TOX4: variants seen among roughly 807,000 people sequenced by gnomAD.
The protein encoded by TOX4 is TOX high mobility group box family member 4.
Under a neutral mutation model 61.0 loss-of-function variants are expected in TOX4, and 12 were observed. The ratio of observed to expected loss-of-function variants is 0.20; its 90% CI spans 0.13 to 0.32. The LOEUF is 0.32. Among genes scored for constraint, TOX4 ranks in the 10% least tolerant of loss-of-function variants. TOX4 has a pLI of 1.00. For missense variants in TOX4, 499 were observed against 753.3 expected, an observed-to-expected ratio of 0.66 and a Z score of 3.95; for synonymous variants, 268 against 274.8, an observed-to-expected ratio of 0.98 and a Z score of 0.24.
rs1289947868 is a variant in TOX4, at chr14:21,497,567, A to G, written c.*961A>G. On this transcript the variant is annotated 3_prime_UTR_variant, in exon 9 of 9. Transcript: ENST00000448790. ...TTTTGAGACAGAGTCTCGCTCTGTCACCCAGGCTGGAGTGCAGTGGTGCGA... is the reference window on the plus strand; with the variant it reads ...TTTTGAGACAGAGTCTCGCTCTGTCGCCCAGGCTGGAGTGCAGTGGTGCGA... 4 of 135,148 alleles carry G rather than the reference A, an allele frequency of 3.0e-5. No homozygotes were observed. The highest frequency in any genetic ancestry group is 6.1e-5 in the Non-Finnish European group (4 of 65,690). The allele number at this position is 135,148 out of a possible 1,614,324, so 8.4% of individuals were successfully genotyped here.
chr14:21,498,310 C>T lies in TOX4; in HGVS notation c.*1704C>T, dbSNP rs549627481. On this transcript the variant is annotated 3_prime_UTR_variant, in exon 9 of 9. Coordinates refer to ENST00000448790, the MANE Select transcript of TOX4 (RefSeq NM_014828.4). ...ACCATCTGGGTACCTTTGCTTGAAC[C>T]GTGCAACCACATCTGGGTCTAGTAG... 43 of 1,614,020 alleles carry T rather than the reference C, an allele frequency of 2.7e-5. No individual in the cohort carries two copies. In the African/African-American group the frequency reaches 2.9e-4, roughly 11 times the overall value.
chr14:21,496,418 T>C, intron 8 of TOX4, 128 bp from the exon 9 acceptor site: 1 of 726,232 alleles, frequency 1.4e-6, no homozygotes, highest in Non-Finnish European at 2.2e-6. Context: ...TCCCAGCTAC[T>C]CGGGAGGCTA....
intron 2 of TOX4, among the ~76,000 whole-genome samples, chr14:21,478,000 G>C (rs959607701): frequency 3.3e-5 from 5 of 152,164 alleles, no homozygotes; most frequent in African/African-American, 7.2e-5. Context: ...GCAGTGGTGC[G>C]ATCTCGGCTC....
Position 21,496,793 on chromosome 14 carries a change from T to C in TOX4, c.*187T>C. The C allele has an allele frequency of 3.5e-6, 2 of 569,404 alleles. No homozygotes were observed. Among genetic ancestry groups the C allele is most frequent in the South Asian group, 4.2e-5 (2 of 48,088 alleles). The allele number at this position is 569,404 out of a possible 1,614,324, so 35.3% of individuals were successfully genotyped here. A position where few individuals can be genotyped will look rare whatever the true frequency, so the allele number is the denominator to read the frequency against. On this transcript the variant is annotated 3_prime_UTR_variant, in exon 9 of 9. Transcript: ENST00000448790. ...AGCAGGGCCACTGAATTTGCTGTAA[T>C]CTGGAGATGCTTTTTACTTTCAACC...
intron 2 of TOX4, among the ~76,000 whole-genome samples, chr14:21,478,113 A>G (rs924889979): frequency 1.3e-5 from 2 of 151,914 alleles, no homozygotes; most frequent in South Asian, 2.1e-4. Context: ...ATTTTTGTAT[A>G]TTTAGTAGAG....
rs1272289314 is a variant in TOX4, at chr14:21,484,918, C to T, written c.76-2533C>T. On this transcript the variant is annotated intron_variant, in intron 2 of 8. Coordinates refer to ENST00000448790, the MANE Select transcript of TOX4 (RefSeq NM_014828.4). ...GTGTGATCCGCCCACCTGGGCCTCC[C>T]GAAGTGCTGGGATTACAGGCGTGAG... Among the ~76,000 whole-genome samples the T allele has an allele frequency of 6.4e-4, 68 of 106,916 alleles. 20 individuals are homozygous for T. The highest frequency in any genetic ancestry group is 2.2e-3 in the African/African-American group (63 of 28,554). The allele number at this position is 106,916 out of a possible 152,430, so 70.1% of individuals were successfully genotyped here. A position where few individuals can be genotyped will look rare whatever the true frequency, so the allele number is the denominator to read the frequency against.
chr14:21,498,965 T>C lies in TOX4; in HGVS notation c.*2359T>C. On this transcript the variant is annotated 3_prime_UTR_variant, in exon 9 of 9. Transcript: ENST00000448790. ...AAAACAATGTGAAGCTCTACTAAGT[T>C]CTGTCCTTAATCATAAATAATAGCC... The C allele has an allele frequency of 8.5e-7, 1 of 1,169,806 alleles. No homozygotes were observed. The highest frequency in any genetic ancestry group is 1.3e-6 in the Non-Finnish European group (1 of 777,680). 72.5% of individuals were successfully genotyped at this position (1,169,806 alleles called of 1,614,324 possible). A position where few individuals can be genotyped will look rare whatever the true frequency, so the allele number is the denominator to read the frequency against.
Position 21,499,090 on chromosome 14 carries a change from T to C in TOX4, c.*2484T>C. ...TCTTGCGAGTGCCAGGAGATAGTCT[T>C]TCAATCATGCCATAGATTTCATCTG... On this transcript the variant is annotated 3_prime_UTR_variant, in exon 9 of 9. Transcript: ENST00000448790. 1 of 1,614,182 alleles carries C rather than the reference T, an allele frequency of 6.2e-7. No homozygotes were observed. The highest frequency in any genetic ancestry group is 1.1e-5 in the South Asian group (1 of 91,086).
chr14:21,486,845 G>A (rs1255154198), intron 2 of TOX4, among the ~76,000 whole-genome samples: 9 of 152,178 alleles, frequency 5.9e-5, no homozygotes. Flanking sequence ...GAGGTTTTCT[G>A]AAAATCCTAT....
chr14:21,484,066 C>T (rs1191017756), intron 2 of TOX4, among the ~76,000 whole-genome samples: 1 of 152,158 alleles, frequency 6.6e-6, no homozygotes, highest in Non-Finnish European at 1.5e-5. Flanking sequence ...ACCTTGGCTT[C>T]CCAAAGTACT....
At chr14:21,494,145 A>C (rs544355136) in intron 7 of TOX4, among the ~76,000 whole-genome samples, 1 of 152,236 alleles carries the variant, frequency 6.6e-6, no homozygotes, top group African/African-American at 2.4e-5. Context: ...GATATAGCCT[A>C]AACAGTTATT....
At position 21,492,902 on chromosome 14, in the gene TOX4, C is replaced by T. The variant is rs1187808630; in HGVS notation, c.1286C>T (p.Ala429Val). ...VTRSVLQAAAAAAAAASMQLP... is the reference protein window; with the variant it reads ...VTRSVLQAAAVAAAAASMQLP... The stretch of plus-strand genomic sequence containing the variant: ...CGGTCAGTGTTGCAGGCAGCAGCAG[C>T]TGCTGCTGCTGCTGCTTCTATGCAA... The change falls in exon 7 of 9, where the codon GCT becomes GTT. Residue 429 changes from alanine (A) to valine (V), a missense_variant. Physicochemically the swap from Ala to Val is moderately conservative, Grantham distance 64. This residue lies in a region of TOX4 where 296 missense variants were observed against 404.7 expected (regional missense o/e 0.73). Transcript: ENST00000448790. 3 of 1,599,508 alleles carry T rather than the reference C, an allele frequency of 1.9e-6. No individual in the cohort carries two copies. Among genetic ancestry groups the T allele is most frequent in the Non-Finnish European group, 2.6e-6 (3 of 1,175,126 alleles).
At chr14:21,485,998 C>T (rs1891185528) in intron 2 of TOX4, among the ~76,000 whole-genome samples, 1 of 103,466 alleles carries the variant, frequency 9.7e-6, no homozygotes, top group Admixed American at 8.8e-5. Context: ...TCCAGGAGTT[C>T]GAGACTAGCC....
At chr14:21,496,475 A>T (rs898827897) in intron 8 of TOX4, 71 bp from the exon 9 acceptor site, 39 of 1,463,856 alleles carry the variant, frequency 2.7e-5, no homozygotes, top group Non-Finnish European at 3.6e-5. Context: ...CAAAAAAAAA[A>T]ATGTATCTAG....
chr14:21,487,807 C>T (rs1891214286), intron 3 of TOX4, 114 bp downstream of exon 3: 1 of 1,252,898 alleles, frequency 8.0e-7, no homozygotes, highest in South Asian at 2.3e-5. Context: ...CTTCTTGTGG[C>T]TAAAGGCTCA....
intron 5 of TOX4, among the ~76,000 whole-genome samples, chr14:21,490,621 A>G (rs1192381181): frequency 6.6e-6 from 1 of 152,262 alleles, no homozygotes; most frequent in East Asian, 1.9e-4. Context: ...TTGAGACACA[A>G]TCCAGGTTCT....
At position 21,492,645 on chromosome 14, in the gene TOX4, T is replaced by A. The variant is rs1333767329; in HGVS notation, c.1029T>A (p.Val343=). 1 of 1,613,858 alleles carries A rather than the reference T, an allele frequency of 6.2e-7. No homozygotes were observed. The highest frequency in any genetic ancestry group is 1.1e-5 in the South Asian group (1 of 91,078). Residue 343 remains valine, a synonymous_variant, in exon 7 of 9, where the codon GTT becomes GTA. Coordinates refer to ENST00000448790, the MANE Select transcript of TOX4 (RefSeq NM_014828.4). The stretch of plus-strand genomic sequence containing the variant: ...CTGCCCTGTCCCCATCCATTGTTGT[T>A]AACTCCACCCTTTCATCCTATGTGG... ...EPPALSPSIV[V]NSTLSSYVAN...
rs925736789 is a variant in TOX4 at position 21,488,447 on chromosome 14, T to C, written c.319-143T>C. 2.5e-5 allele frequency: 21 copies of C among 824,352 alleles called. No homozygotes were observed. In the Admixed American group the frequency reaches 6.4e-4, roughly 25 times the overall value. 51.1% of individuals were successfully genotyped at this position (824,352 alleles called of 1,614,324 possible). ...TTTTAAAAAGCTTATTTTTTTATTT[T>C]CATTTTTGAAGACTATTTTATGTTT... On this transcript the variant is annotated intron_variant, in intron 3 of 8. Coordinates refer to ENST00000448790, the MANE Select transcript of TOX4 (RefSeq NM_014828.4).
chr14:21,492,250 G>A (rs763066307), intron 5 of TOX4, 46 bp from the exon 6 acceptor site: 9 of 1,514,450 alleles, frequency 5.9e-6, no homozygotes, highest in Non-Finnish European at 6.3e-6. Context: ...TCTTTCCTAA[G>A]AGTATGGGGA....
Sources: allele counts gnomAD v4.1 joint callset (sites outside exome capture counted in the v4.1 genomes callset), GRCh38; gene constraint gnomAD v4.1.1; regional missense constraint gnomAD v4.1.1; transcripts MANE v1.5; gene names NCBI Gene and HGNC (gene_info 2026-07-23, HGNC 2026-07-21).